Variants in EXOC4 observed in about 807,000 individuals in gnomAD.
The protein encoded by EXOC4 is SEC8-like 1.
Under a neutral mutation model 107.2 loss-of-function variants are expected in EXOC4, and 71 were observed. That is an observed-to-expected ratio of 0.66 (90% CI 0.55 to 0.81). The LOEUF (loss-of-function observed/expected upper bound fraction) is 0.81, where lower values mean the gene tolerates loss of function less well. Ranked by LOEUF, EXOC4 falls within the 30% of genes least tolerant of loss-of-function variation. The pLI is 0.00. For synonymous variants in EXOC4, 456 were observed against 441.2 expected (o/e 1.03, Z -0.42); for missense variants, 1,108 against 1,189.6 (o/e 0.93, Z 1.01).
At chr7:133,350,856 A>T (rs1795893683) in intron 5 of EXOC4, among the ~76,000 whole-genome samples, 1 of 151,964 alleles carries the variant, frequency 6.6e-6, no homozygotes, top group African/African-American at 2.4e-5. Context: ...ATTTGTTTCC[A>T]TTAATTATAA....
intron 17 of EXOC4, 35 bp from the exon 18 acceptor site, chr7:134,064,256 G>T: frequency 1.5e-6 from 2 of 1,357,360 alleles, no homozygotes; most frequent in South Asian, 1.8e-5. Flanking sequence ...TACCAGTGGG[G>T]AGCCAGTGAG....
At chr7:133,503,020 G>A (rs928473443) in intron 9 of EXOC4, among the ~76,000 whole-genome samples, 14 of 152,124 alleles carry the variant, frequency 9.2e-5, no homozygotes, top group Non-Finnish European at 2.1e-4. Context: ...TATAAATAGT[G>A]TAAGACTAGT....
intron 17 of EXOC4, among the ~76,000 whole-genome samples, chr7:134,042,091 G>A (rs960820671): frequency 1.2e-4 from 19 of 152,130 alleles, no homozygotes; most frequent in Admixed American, 5.2e-4. Flanking sequence ...AAAGCTCAGC[G>A]AGCGCCTGCC....
At chr7:133,879,719 A>G (rs1360317353) in intron 11 of EXOC4, among the ~76,000 whole-genome samples, 26 of 152,180 alleles carry the variant, frequency 1.7e-4, no homozygotes, top group Admixed American at 1.7e-3. Context: ...CTAGATTTTG[A>G]AGTATCATAG....
At chr7:133,623,913 A>C (rs1235955009) in intron 9 of EXOC4, among the ~76,000 whole-genome samples, 1 of 152,170 alleles carries the variant, frequency 6.6e-6, no homozygotes, top group Admixed American at 6.5e-5. Flanking sequence ...TTACTAAGGA[A>C]TGTAATCTAA....
At chr7:133,493,480 AC>A (rs1799415272) in intron 9 of EXOC4, among the ~76,000 whole-genome samples, 1 of 152,218 alleles carries the variant, frequency 6.6e-6, no homozygotes, top group Admixed American at 6.5e-5. Context: ...CATATTAAGT[AC>A]AGATAAATGT....
chr7:133,372,714 A>G (rs1437799400), intron 6 of EXOC4, among the ~76,000 whole-genome samples: 1 of 152,214 alleles, frequency 6.6e-6, no homozygotes, highest in Non-Finnish European at 1.5e-5. Flanking sequence ...GCTGGTTCAC[A>G]ATCCTGTATC....
At chr7:134,050,974 T>C (rs929174540) in intron 17 of EXOC4, among the ~76,000 whole-genome samples, 16 of 152,042 alleles carry the variant, frequency 1.1e-4, no homozygotes, top group African/African-American at 3.9e-4. Flanking sequence ...ATAGTGAGAT[T>C]GGAAAGAAGA....
intron 5 of EXOC4, among the ~76,000 whole-genome samples, chr7:133,342,603 C>T (rs1031097659): frequency 9.2e-5 from 14 of 152,114 alleles, no homozygotes; most frequent in Non-Finnish European, 1.6e-4. Context: ...CTTGATTATT[C>T]CCTCAAGTAA....
intron 9 of EXOC4, among the ~76,000 whole-genome samples, chr7:133,521,403 A>G (rs1009804928): frequency 1.3e-5 from 2 of 152,206 alleles, no homozygotes; most frequent in African/African-American, 2.4e-5. Flanking sequence ...TTTAAACAAT[A>G]AAAGTGGCTC....
intron 2 of EXOC4, among the ~76,000 whole-genome samples, chr7:133,283,863 G>GT (rs974483231): frequency 1.5e-4 from 23 of 151,752 alleles, no homozygotes; most frequent in Admixed American, 1.4e-3. Context: ...TTTGTGTCTA[G>GT]TTTTTTTTGC....
intron 9 of EXOC4, among the ~76,000 whole-genome samples, chr7:133,537,743 C>G (rs1584984479): frequency 1.3e-5 from 2 of 151,914 alleles, no homozygotes; most frequent in African/African-American, 4.8e-5. Context: ...TGTTTTAAAC[C>G]AAAATAATGG....
At chr7:133,745,727 T>C (rs2151132981) in intron 10 of EXOC4, among the ~76,000 whole-genome samples, 1 of 151,672 alleles carries the variant, frequency 6.6e-6, no homozygotes. Flanking sequence ...TTTTTTTTTT[T>C]TTCCTGTTTG....
chr7:133,454,004 A>C (rs1798407724), intron 7 of EXOC4, among the ~76,000 whole-genome samples: 1 of 152,184 alleles, frequency 6.6e-6, no homozygotes, highest in African/African-American at 2.4e-5. Flanking sequence ...AGATCAAACT[A>C]ATATAATTTT....
chr7:133,396,137 T>C (rs1207823198), intron 7 of EXOC4: 2 of 152,164 alleles, frequency 1.3e-5, no homozygotes, highest in African/African-American at 2.4e-5. Context: ...GATCTCCTGA[T>C]TGAGAAACTT....
chr7:133,417,381 G>C (rs566647812), intron 7 of EXOC4, among the ~76,000 whole-genome samples: 1 of 152,168 alleles, frequency 6.6e-6, no homozygotes. Flanking sequence ...GCTAGGATGT[G>C]AAGATGGAAG....
chr7:133,352,778 T>A (rs1294988678), intron 5 of EXOC4, among the ~76,000 whole-genome samples: 1 of 152,074 alleles, frequency 6.6e-6, no homozygotes, highest in Non-Finnish European at 1.5e-5. Context: ...AATGTTTAAA[T>A]TCCTTTCTCA....
At chr7:133,264,372 A>G (rs1793665760) in intron 1 of EXOC4, among the ~76,000 whole-genome samples, 1 of 152,206 alleles carries the variant, frequency 6.6e-6, no homozygotes, top group Admixed American at 6.5e-5. Context: ...GTCACTTGAT[A>G]CTAAATACAT....
At chr7:134,060,184 C>T (rs971499579) in intron 17 of EXOC4, among the ~76,000 whole-genome samples, 1 of 152,222 alleles carries the variant, frequency 6.6e-6, no homozygotes, top group African/African-American at 2.4e-5. Context: ...TTCTCTGTCA[C>T]TCTACTCCCT....
Sources: gnomAD v4.1 joint callset for allele counts (sites outside exome capture counted in the v4.1 genomes callset) on GRCh38, gnomAD v4.1.1 for gene constraint, MANE v1.5 for transcripts, NCBI Gene and HGNC (gene_info 2026-07-23, HGNC 2026-07-21) for gene names.